Variants in OLFM3 observed in about 807,000 individuals in gnomAD.
The protein encoded by OLFM3 is noelin-3.
A neutral mutation model predicts 48.6 loss-of-function variants in OLFM3; 20 were observed. The ratio of observed to expected loss-of-function variants is 0.41; its 90% confidence interval spans 0.29 to 0.60. The LOEUF is 0.60. Among genes scored for constraint, OLFM3 ranks in the 20% least tolerant of loss-of-function variants. OLFM3 has a pLI of 0.28. For synonymous variants in OLFM3, 222 were observed against 198.1 expected, an observed-to-expected ratio of 1.12 and a Z score of -1.01; for missense variants, 437 against 544.3, an observed-to-expected ratio of 0.80 and a Z score of 1.96.
chr1:101,981,349 A>C (rs1241485859), intron 1 of OLFM3, among the ~76,000 whole-genome samples: 1 of 152,212 alleles, frequency 6.6e-6, no homozygotes, highest in Admixed American at 6.5e-5. Flanking sequence ...AAGTCTCTGC[A>C]TTCCCATTTT....
chr1:101,956,531 C>T (rs906844268), intron 1 of OLFM3, among the ~76,000 whole-genome samples: 14 of 151,868 alleles, frequency 9.2e-5, no homozygotes, highest in Non-Finnish European at 2.1e-4. Flanking sequence ...ATTCAAATAT[C>T]CTTTTTGTTC....
rs1202598887 is a variant in OLFM3, at chr1:101,858,862, G to C, written c.70-21837C>G. Among the ~76,000 whole-genome samples, 3 of 151,998 alleles carry C rather than the reference G, an allele frequency of 2.0e-5. No homozygotes were observed. The East Asian group carries it at 5.8e-4, about 29-fold the overall frequency. ...TTTCTTTATAAATTACCCAGTCTCA[G>C]GTAGTTCTTTATAGCAATGTGGAAC... On this transcript the variant is annotated intron_variant, in intron 1 of 5. Coordinates refer to ENST00000370103, the MANE Select transcript of OLFM3 (RefSeq NM_058170.4).
At position 101,815,621 on chromosome 1, in the gene OLFM3, AT is replaced by A. The variant is rs1005166276; in HGVS notation, c.592+9404del. Among the ~76,000 whole-genome samples, 8 of 146,542 alleles carry A rather than the reference AT, an allele frequency of 5.5e-5. No homozygotes were observed. The South Asian group carries it at 8.6e-4, about 16-fold the overall frequency. Reference sequence around the variant, plus strand: ...AGGGAATTTAAAAACTCAAAAAAAAATAATCAAAGATAACATCTAGATTTTT... The same window carrying A: ...AGGGAATTTAAAAACTCAAAAAAAAAAATCAAAGATAACATCTAGATTTTT... On this transcript the variant is annotated intron_variant, in intron 4 of 5. Coordinates refer to ENST00000370103, the MANE Select transcript of OLFM3 (RefSeq NM_058170.4).
At chr1:101,815,988 A>G (rs1172373925) in intron 4 of OLFM3, among the ~76,000 whole-genome samples, 1 of 152,232 alleles carries the variant, frequency 6.6e-6, no homozygotes, top group Admixed American at 6.5e-5. Flanking sequence ...CCCAAGAATA[A>G]GCTATAAGTT....
At chr1:101,808,825 G>T (rs1250616851) in intron 4 of OLFM3, among the ~76,000 whole-genome samples, 1 of 151,736 alleles carries the variant, frequency 6.6e-6, no homozygotes, top group Non-Finnish European at 1.5e-5. Context: ...CAAAAAGTTT[G>T]TAAGAATGAC....
intron 1 of OLFM3, among the ~76,000 whole-genome samples, chr1:101,907,369 G>A (rs1658587404): frequency 6.6e-6 from 1 of 152,168 alleles, no homozygotes; most frequent in Admixed American, 6.5e-5. Context: ...GGAAGAGCCA[G>A]GTGGTATTAA....
At position 101,910,099 on chromosome 1, in the gene OLFM3, A is replaced by T. The variant is rs1658698208; in HGVS notation, c.70-73074T>A. 9 of 985,348 alleles carry T rather than the reference A, an allele frequency of 9.1e-6. No homozygotes were observed. The South Asian group carries it at 2.8e-4, about 31-fold the overall frequency. The allele number at this position is 985,348 out of a possible 1,614,324, so 61.0% of individuals were successfully genotyped here. ...TGCTTCTTCATATCCCTTGTCTCAGAGAAGCTTCAGCTTTACAGTTAAATA... is the reference window on the plus strand; with the variant it reads ...TGCTTCTTCATATCCCTTGTCTCAGTGAAGCTTCAGCTTTACAGTTAAATA... On this transcript the variant is annotated intron_variant, in intron 1 of 5. Coordinates refer to ENST00000370103, the MANE Select transcript of OLFM3 (RefSeq NM_058170.4).
intron 1 of OLFM3, among the ~76,000 whole-genome samples, chr1:101,841,244 G>A (rs1655705860): frequency 6.6e-6 from 1 of 152,082 alleles, no homozygotes; most frequent in South Asian, 2.1e-4. Flanking sequence ...CCCTGCTATT[G>A]TTTTAGTCTC....
At chr1:101,919,730 T>C (rs1391784845) in intron 1 of OLFM3, among the ~76,000 whole-genome samples, 1 of 152,164 alleles carries the variant, frequency 6.6e-6, no homozygotes, top group Non-Finnish European at 1.5e-5. Context: ...ATTATTTGCA[T>C]GGTATTTATT....
chr1:101,821,774 C>T (rs142286604), intron 4 of OLFM3, among the ~76,000 whole-genome samples: 135 of 152,056 alleles, frequency 8.9e-4, no homozygotes, highest in African/African-American at 3.0e-3. Flanking sequence ...AAAGTCATCT[C>T]GATTAACTTA....
At chr1:101,805,472 G>T (rs1030074940) in intron 5 of OLFM3, among the ~76,000 whole-genome samples, 5 of 151,676 alleles carry the variant, frequency 3.3e-5, no homozygotes, top group African/African-American at 1.2e-4. Flanking sequence ...TAACCCTAGA[G>T]AATCTTAATT....
chr1:101,895,412 T>TAC (rs35047632), intron 1 of OLFM3, among the ~76,000 whole-genome samples: 10,607 of 144,130 alleles, frequency 0.074, 471 homozygotes, highest in African/African-American at 0.13. Flanking sequence ...AGCTCAAGAA[T>TAC]ACACACACAC....
At chr1:101,952,690 CAGG>C (rs1257125875) in intron 1 of OLFM3, among the ~76,000 whole-genome samples, 1 of 151,880 alleles carries the variant, frequency 6.6e-6, no homozygotes, top group Non-Finnish European at 1.5e-5. Flanking sequence ...ATATATATAG[CAGG>C]AGATGATACA....
intron 1 of OLFM3, among the ~76,000 whole-genome samples, chr1:101,891,944 T>C (rs1449386713): frequency 1.3e-5 from 2 of 152,028 alleles, no homozygotes; most frequent in Non-Finnish European, 2.9e-5. Flanking sequence ...TAATACTTAG[T>C]TCTCCCCAGA....
chr1:101,887,944 G>A (rs1657832469), intron 1 of OLFM3, among the ~76,000 whole-genome samples: 1 of 151,926 alleles, frequency 6.6e-6, no homozygotes, highest in Admixed American at 6.6e-5. Context: ...TATTCAAATT[G>A]TGTAGTATTA....
intron 1 of OLFM3, among the ~76,000 whole-genome samples, chr1:101,872,881 A>C (rs1657139384): frequency 6.9e-6 from 1 of 145,618 alleles, no homozygotes; most frequent in African/African-American, 2.5e-5. Flanking sequence ...GGTACAATGC[A>C]AAAAATAAGT....
intron 1 of OLFM3, among the ~76,000 whole-genome samples, chr1:101,845,924 T>C (rs72987940): frequency 0.011 from 1,637 of 152,308 alleles, 21 homozygotes; most frequent in African/African-American, 0.022. Flanking sequence ...GCTACTTTTC[T>C]TTCCATATCT....
chr1:101,895,447 A>G (rs1170544437), intron 1 of OLFM3, among the ~76,000 whole-genome samples: 1 of 149,814 alleles, frequency 6.7e-6, no homozygotes, highest in Non-Finnish European at 1.5e-5. Flanking sequence ...ACACACACAC[A>G]CTCACTCACA....
At chr1:101,821,390 C>T (rs986662086) in intron 4 of OLFM3, among the ~76,000 whole-genome samples, 1 of 152,020 alleles carries the variant, frequency 6.6e-6, no homozygotes, top group African/African-American at 2.4e-5. Flanking sequence ...CACACATCTT[C>T]TTTCAAGTAG....
Sources: gnomAD v4.1 joint callset for allele counts (sites outside exome capture counted in the v4.1 genomes callset) on GRCh38, gnomAD v4.1.1 for gene constraint, MANE v1.5 for transcripts, NCBI Gene and HGNC (gene_info 2026-07-23, HGNC 2026-07-21) for gene names.